Variants in GLYATL1 observed in about 807,000 individuals in gnomAD.
GLYATL1 encodes glycine-N-acyltransferase like 1.
In GLYATL1, 15 loss-of-function variants were observed where a neutral mutation model predicts 20.0. That is an observed-to-expected ratio of 0.75 (90% CI 0.50 to 1.15). The LOEUF is 1.15. Ranked by LOEUF, GLYATL1 falls within the 50% of genes most tolerant of loss-of-function variation. The pLI is 0.00. For missense variants in GLYATL1, 380 were observed against 368.5 expected, an observed-to-expected ratio of 1.03 and a Z score of -0.26; for synonymous variants, 151 against 131.5, an observed-to-expected ratio of 1.15 and a Z score of -1.01.
upstream of GLYATL1, among the ~76,000 whole-genome samples, chr11:58,925,218 G>A (rs1855400153): frequency 6.6e-6 from 1 of 152,120 alleles, no homozygotes; most frequent in African/African-American, 2.4e-5. Flanking sequence ...AGAAAAACTT[G>A]TGCTTCATTT....
chr11:58,951,256 A>G (rs1856973295), intron 4 of GLYATL1, among the ~76,000 whole-genome samples: 1 of 152,096 alleles, frequency 6.6e-6, no homozygotes, highest in South Asian at 2.1e-4. Context: ...CTTTTATATT[A>G]ATCTTCCTTA....
intron 4 of GLYATL1, among the ~76,000 whole-genome samples, chr11:58,952,064 T>C (rs2135258683): frequency 8.2e-6 from 1 of 121,896 alleles, no homozygotes; most frequent in Middle Eastern, 4.5e-3. Flanking sequence ...AATAGTTCTA[T>C]ACTTGTCTCA....
At chr11:58,949,145 A>G (rs1482814056) in intron 4 of GLYATL1, among the ~76,000 whole-genome samples, 1 of 152,232 alleles carries the variant, frequency 6.6e-6, no homozygotes, top group Non-Finnish European at 1.5e-5. Context: ...TTTTTCCTAA[A>G]TACTTCCCCT....
intron 2 of GLYATL1, among the ~76,000 whole-genome samples, chr11:58,944,249 T>C (rs1327357142): frequency 6.6e-6 from 1 of 152,184 alleles, no homozygotes; most frequent in East Asian, 1.9e-4. Context: ...TCTCTTTGAC[T>C]AAAAACAGTT....
chr11:58,905,539 G>C, exon 1 of GLYATL1: 1 of 456,284 alleles, frequency 2.2e-6, no homozygotes, highest in Non-Finnish European at 4.4e-6. Flanking sequence ...GAAAAAGCGC[G>C]AAACCGCCAG....
At chr11:58,949,440 G>A (rs1013889667) in intron 4 of GLYATL1, among the ~76,000 whole-genome samples, 5 of 152,182 alleles carry the variant, frequency 3.3e-5, no homozygotes, top group Non-Finnish European at 7.4e-5. Flanking sequence ...AAAGATTAAT[G>A]TTTAGTTTAT....
intron 4 of GLYATL1, among the ~76,000 whole-genome samples, chr11:58,948,261 G>T (rs1856726495): frequency 6.6e-6 from 1 of 152,134 alleles, no homozygotes. Flanking sequence ...CTGAAAGGAG[G>T]CCAATTTACA....
At chr11:58,943,432 C>T (rs1590795158) in intron 1 of GLYATL1, 111 bp from the exon 2 acceptor site, 13 of 1,526,126 alleles carry the variant, frequency 8.5e-6, no homozygotes, top group Non-Finnish European at 1.1e-5. Context: ...GAGGCACCCC[C>T]GGAGCCTCGG....
intron 1 of GLYATL1, among the ~76,000 whole-genome samples, chr11:58,930,677 G>A (rs1285299913): frequency 1.3e-5 from 2 of 152,104 alleles, no homozygotes; most frequent in African/African-American, 2.4e-5. Context: ...AAAATGATTT[G>A]TTAACCTTTT....
intron 1 of GLYATL1, chr11:58,934,396 C>T (rs1855736216): frequency 6.6e-6 from 1 of 152,282 alleles, no homozygotes; most frequent in Non-Finnish European, 1.5e-5. Flanking sequence ...TGATGCTGGC[C>T]TAGGGCTGTG....
chr11:58,954,024 A>G (rs188824240), intron 4 of GLYATL1, among the ~76,000 whole-genome samples: 104 of 152,274 alleles, frequency 6.8e-4, no homozygotes, highest in Non-Finnish European at 1.3e-3. Context: ...ACATCATTCT[A>G]TTTTGTGGGC....
intron 1 of GLYATL1, chr11:58,907,170 C>T: frequency 2.2e-6 from 1 of 446,918 alleles, no homozygotes; most frequent in Non-Finnish European, 4.5e-6. Context: ...GATCAGTACA[C>T]AGTTGAATAC....
chr11:58,945,526 G>T (rs1239459910), intron 2 of GLYATL1, among the ~76,000 whole-genome samples: 4 of 152,144 alleles, frequency 2.6e-5, no homozygotes, highest in Non-Finnish European at 2.9e-5. Context: ...ATCAGCCCAG[G>T]ATATAATGTT....
rs746356195 is a variant in GLYATL1 at position 58,955,764 on chromosome 11, G to T, written c.646G>T (p.Val216Phe). ...AGCCTGTATGCTCGGCCCAGAGGGA[G>T]TCCCGGTCTCATGGGTAACCATGGA... The part of the protein sequence containing the change: ...PAACMLGPEG[V>F]PVSWVTMDPS... Residue 216 changes from valine to phenylalanine, a missense_variant, in exon 7 of 7, where the codon GTC (valine) becomes TTC (phenylalanine). Transcript: ENST00000532726. 6.2e-7 allele frequency: 1 copy of T among 1,614,216 alleles called. No individual in the cohort carries two copies. The highest frequency in any genetic ancestry group is 1.3e-5 in the African/African-American group (1 of 75,042).
At chr11:58,927,478 G>A (rs377051202), upstream of GLYATL1, among the ~76,000 whole-genome samples, 1 of 152,160 alleles carries the variant, frequency 6.6e-6, no homozygotes. Context: ...GCTCCCTCCC[G>A]CAGGCACCCA....
chr11:58,936,740 A>G (rs964281519), upstream of GLYATL1, among the ~76,000 whole-genome samples: 1 of 152,240 alleles, frequency 6.6e-6, no homozygotes, highest in Non-Finnish European at 1.5e-5. Context: ...CTCTTAGAGG[A>G]CTAGAAGACA....
intron 1 of GLYATL1, among the ~76,000 whole-genome samples, chr11:58,916,420 G>A (rs1855173211): frequency 1.3e-5 from 2 of 152,138 alleles, no homozygotes; most frequent in Admixed American, 1.3e-4. Context: ...ATAAGAGCCT[G>A]GCCTTTTACA....
chr11:58,905,633 G>A (rs1446655994), exon 1 of GLYATL1: 1 of 456,222 alleles, frequency 2.2e-6, no homozygotes, highest in South Asian at 1.5e-5. Context: ...GCAGGAAGAA[G>A]CAGGGCAGTG....
At chr11:58,950,553 T>C (rs1424681831) in intron 4 of GLYATL1, among the ~76,000 whole-genome samples, 1 of 152,232 alleles carries the variant, frequency 6.6e-6, no homozygotes, top group African/African-American at 2.4e-5. Context: ...TACATATCTT[T>C]ATATCCTGGA....
Sources: allele counts gnomAD v4.1 joint callset (sites outside exome capture counted in the v4.1 genomes callset), GRCh38; gene constraint gnomAD v4.1.1; transcripts MANE v1.5; gene names NCBI Gene and HGNC (gene_info 2026-07-23, HGNC 2026-07-21).